Variants in TSTD1 observed in about 807,000 individuals in gnomAD.
TSTD1 encodes the protein thiosulfate:glutathione sulfurtransferase.
A neutral mutation model predicts 12.6 loss-of-function variants in TSTD1; 7 were observed. The ratio of observed to expected loss-of-function variants is 0.55; its 90% CI spans 0.32 to 1.04. TSTD1 has a LOEUF of 1.04. Among genes scored for constraint, TSTD1 ranks in the 50% least tolerant of loss-of-function variants. The pLI is 0.05. For missense variants in TSTD1, 156 were observed against 151.0 expected (o/e 1.03, Z -0.17); for synonymous variants, 73 against 59.7 (o/e 1.22, Z -1.03).
Position 161,038,059 on chromosome 1 carries a change from AC to A in TSTD1, c.149del (p.Ser50MetfsTer73). The A allele has an allele frequency of 6.4e-7, 1 of 1,551,524 alleles. No homozygotes were observed. The highest frequency in any genetic ancestry group is 8.7e-7 in the Non-Finnish European group (1 of 1,146,994). On this transcript the variant is annotated frameshift_variant, in exon 3 of 4. Coordinates refer to ENST00000423014, the MANE Select transcript of TSTD1 (RefSeq NM_001113207.2). LOFTEE classifies it high-confidence loss of function. ...ALNIPVSELE[S>X]ALQMEPAAFQ... ...AGGCAGCTGGCTCCATCTGCAGAGC[AC>A]TCTCCAACTCGGACACTGGAGGAGT...
rs1029518876 is a variant in TSTD1, at chr1:161,037,728, T to A, written c.*47A>T. 1 of 1,548,352 alleles carries A rather than the reference T, an allele frequency of 6.5e-7. No individual in the cohort carries two copies. The highest frequency in any genetic ancestry group is 8.7e-7 in the Non-Finnish European group (1 of 1,144,036). On this transcript the variant is annotated 3_prime_UTR_variant, in exon 4 of 4. Coordinates refer to ENST00000423014, the MANE Select transcript of TSTD1 (RefSeq NM_001113207.2). ...AGCCCGTTCACACCCTTAGTTAAGG[T>A]GGCCATTAAGGGGCCAGGGGGTGGC...
At chr1:161,038,162 GCC>G in intron 2 of TSTD1, 87 bp from the exon 3 acceptor site, 1 of 1,372,130 alleles carries the variant, frequency 7.3e-7, no homozygotes, top group Non-Finnish European at 9.8e-7. Flanking sequence ...GGTCCTGGGG[GCC>G]CCCAAACAAC....
At chr1:161,038,504 G>A (rs1314439671) in intron 2 of TSTD1, 47 bp downstream of exon 2, 3 of 1,494,762 alleles carry the variant, frequency 2.0e-6, no homozygotes, top group Non-Finnish European at 2.7e-6. Context: ...AGAACCTCCT[G>A]AACGGTCTCT....
At chr1:161,038,190 C>T (rs925941640) in intron 2 of TSTD1, 115 bp from the exon 3 acceptor site, 2 of 971,002 alleles carry the variant, frequency 2.1e-6, no homozygotes, top group African/African-American at 1.6e-5. Flanking sequence ...ATAACCATCC[C>T]CTACCCCCAC....
intron 2 of TSTD1, 92 bp from the exon 3 acceptor site, chr1:161,038,167 C>T: frequency 7.8e-7 from 1 of 1,287,086 alleles, no homozygotes; most frequent in South Asian, 1.4e-5. Flanking sequence ...TGGGGGCCCC[C>T]AAACAACATA....
rs1650330025 is a variant in TSTD1, at chr1:161,038,568, C to T, written c.116G>A (p.Gly39Glu). 1 of 1,549,298 alleles carries T rather than the reference C, an allele frequency of 6.5e-7. No homozygotes were observed. ...REEAAAGTIPGALNIPVSELE... is the reference protein window; with the variant it reads ...REEAAAGTIPEALNIPVSELE... ...CCCTATACCCGGGATGTTGAGCGCC[C>T]CTGGGATGGTCCCAGCTGCCGCCTC... The change falls in exon 2 of 4, where the codon GGG (glycine) becomes GAG (glutamate). Residue 39 changes from glycine (G) to glutamate (E), a missense_variant. Coordinates refer to ENST00000423014, the MANE Select transcript of TSTD1 (RefSeq NM_001113207.2).
In TSTD1 at chr1:161,038,023, T is replaced by C. The variant is rs750831813; in HGVS notation, c.186A>G (p.Leu62=). The part of the protein sequence containing the change: ...LQMEPAAFQA[L]YSAEKPKLED... The stretch of plus-strand genomic sequence containing the variant: ...CCAGCTTTGGCTTCTCAGCAGAATA[T>C]AAAGCCTGGAAGGCAGCTGGCTCCA... The change falls in exon 3 of 4, where the codon TTA becomes TTG. Residue 62 remains leucine (L), a synonymous_variant. Transcript: ENST00000423014. The C allele has an allele frequency of 7.7e-6, 12 of 1,551,680 alleles. No individual in the cohort carries two copies. Among genetic ancestry groups the C allele is most frequent in the Non-Finnish European group, 1.0e-5 (12 of 1,147,006 alleles).
In TSTD1 at chr1:161,037,909, G is replaced by A. The variant is rs1434457778; in HGVS notation, c.296+4C>T. 2 of 1,551,816 alleles carry A rather than the reference G, an allele frequency of 1.3e-6. No individual in the cohort carries two copies. Among genetic ancestry groups the A allele is most frequent in the Non-Finnish European group, 1.7e-6 (2 of 1,147,014 alleles). On this transcript the variant is annotated splice_donor_region_variant and intron_variant, in intron 3 of 3. Coordinates refer to ENST00000423014, the MANE Select transcript of TSTD1 (RefSeq NM_001113207.2). ...TCCCAGCTAGCAGCCACACCTCCCC[G>A]TACCCAGTGTATCCAAGACTCCGGG...
chr1:161,037,941 G>T lies in TSTD1; in HGVS notation c.268C>A (p.Gln90Lys). Residue 90 changes from glutamine to lysine, a missense_variant, in exon 3 of 4, where the codon CAG becomes AAG. Transcript: ENST00000423014. Reference protein sequence around the residue: ...QMGKRGLQATQLARSLGYTGA... With the variant: ...QMGKRGLQATKLARSLGYTGA... ...GTGTATCCAAGACTCCGGGCCAGCT[G>T]CGTGGCCTGGAGGCCCCGCTTGCCC... 1.9e-6 allele frequency: 3 copies of T among 1,551,848 alleles called. No homozygotes were observed. The highest frequency in any genetic ancestry group is 2.7e-5 in the African/African-American group (2 of 73,178).
In TSTD1 at chr1:161,038,632, A is replaced by ACC; in HGVS notation, c.51_52insGG (p.Ser18GlyfsTer106). On this transcript the variant is annotated frameshift_variant, in exon 2 of 4. Coordinates refer to ENST00000423014, the MANE Select transcript of TSTD1 (RefSeq NM_001113207.2). LOFTEE classifies it high-confidence loss of function. ...ACGTCGAAGAGCCGGGCCCGTCCGG[A>ACC]GGCTAGGAGTGAACGGAGTTCAGGA... 1 of 1,550,380 alleles carries ACC rather than the reference A, an allele frequency of 6.5e-7. No homozygotes were observed. Among genetic ancestry groups the ACC allele is most frequent in the Non-Finnish European group, 8.7e-7 (1 of 1,146,028 alleles).
chr1:161,038,617 G>C lies in TSTD1; in HGVS notation c.67C>G (p.Leu23Val), dbSNP rs1487602755. The C allele has an allele frequency of 9.0e-6, 14 of 1,550,626 alleles. No homozygotes were observed. The South Asian group carries it at 1.1e-4, about 12-fold the overall frequency. ...RSLLASGRARLFDVRSREEAA... is the reference protein window; with the variant it reads ...RSLLASGRARVFDVRSREEAA... ...TCCTCGCGAGAGCGCACGTCGAAGA[G>C]CCGGGCCCGTCCGGAGGCTAGGAGT... is the stretch of plus-strand genomic sequence containing the variant. Residue 23 changes from leucine (L) to valine (V), a missense_variant, in exon 2 of 4, where the codon CTC becomes GTC. Leu to Val is a conservative substitution (Grantham distance 32). Transcript: ENST00000423014.
rs1210006300 is a variant in TSTD1, at chr1:161,037,944, T to G, written c.265A>C (p.Thr89Pro). The change falls in exon 3 of 4, where the codon ACG (threonine) becomes CCG (proline). Residue 89 changes from threonine (T) to proline (P), a missense_variant. Physicochemically the swap from Thr to Pro is conservative, Grantham distance 38 (BLOSUM62 -1). Coordinates refer to ENST00000423014, the MANE Select transcript of TSTD1 (RefSeq NM_001113207.2). ...CQMGKRGLQA[T>P]QLARSLGYTG... is the part of the protein sequence containing the mutation. ...TATCCAAGACTCCGGGCCAGCTGCGTGGCCTGGAGGCCCCGCTTGCCCATC... is the reference window on the plus strand; with the variant it reads ...TATCCAAGACTCCGGGCCAGCTGCGGGGCCTGGAGGCCCCGCTTGCCCATC... 3.2e-6 allele frequency: 5 copies of G among 1,551,836 alleles called. No individual in the cohort carries two copies. The highest frequency in any genetic ancestry group is 2.6e-6 in the Non-Finnish European group (3 of 1,147,018).
Position 161,037,985 on chromosome 1 carries a change from A to C in TSTD1, c.224T>G (p.Leu75Arg). Reference sequence around the variant, plus strand: ...CTTGCCCATCTGACAGAAGAAAACGAGATGCTCATCTTCCAGCTTTGGCTT... The same window carrying C: ...CTTGCCCATCTGACAGAAGAAAACGCGATGCTCATCTTCCAGCTTTGGCTT... ...AEKPKLEDEH[L>R]VFFCQMGKRG... The change falls in exon 3 of 4, where the codon CTC (leucine) becomes CGC (arginine). Residue 75 changes from leucine to arginine, a missense_variant. By Grantham distance (102) the Leu-to-Arg change is moderately radical (BLOSUM62 -2). Transcript: ENST00000423014. 6.4e-7 allele frequency: 1 copy of C among 1,551,772 alleles called. No homozygotes were observed. Among genetic ancestry groups the C allele is most frequent in the Non-Finnish European group, 8.7e-7 (1 of 1,147,004 alleles).
At chr1:161,038,771 T>A in intron 1 of TSTD1, 98 bp from the exon 2 acceptor site, 1 of 1,520,818 alleles carries the variant, frequency 6.6e-7, no homozygotes, top group Non-Finnish European at 8.9e-7. Flanking sequence ...CGGTAGGGTG[T>A]GCACGAAGAC....
Position 161,038,759 on chromosome 1 carries a change from C to T in TSTD1, c.11-86G>A, listed in dbSNP as rs557942433. On this transcript the variant is annotated intron_variant, in intron 1 of 3. Coordinates refer to ENST00000423014, the MANE Select transcript of TSTD1 (RefSeq NM_001113207.2). ...CATCCCCTCACCTGGCAGCGCCCCT[C>T]CCGGTAGGGTGTGCACGAAGACCCC... 420 of 1,519,778 alleles carry T rather than the reference C, an allele frequency of 2.8e-4. 3 individuals are homozygous for T. The South Asian group carries it at 4.7e-3, about 17-fold the overall frequency. 94.1% of individuals were successfully genotyped at this position (1,519,778 alleles called of 1,614,324 possible).
In TSTD1 at chr1:161,038,081, G is replaced by A. The variant is rs1240308711; in HGVS notation, c.134-6C>T. On this transcript the variant is annotated splice_region_variant and splice_polypyrimidine_tract_variant and intron_variant, in intron 2 of 3. Coordinates refer to ENST00000423014, the MANE Select transcript of TSTD1 (RefSeq NM_001113207.2). ...AGCACTCTCCAACTCGGACACTGGA[G>A]GAGTGGAGAGGGTAGAAGGGAAAGC... is the stretch of plus-strand genomic sequence containing the variant. 6.4e-7 allele frequency: 1 copy of A among 1,551,046 alleles called. No homozygotes were observed. The highest frequency in any genetic ancestry group is 2.0e-5 in the Admixed American group (1 of 50,952).
Position 161,038,552 on chromosome 1 carries a change from C to T in TSTD1, c.132G>A (p.Pro44=). 1.3e-6 allele frequency: 2 copies of T among 1,540,942 alleles called. No homozygotes were observed. The highest frequency in any genetic ancestry group is 1.8e-6 in the Non-Finnish European group (2 of 1,138,698). Residue 44 remains proline, a splice_region_variant and synonymous_variant, in exon 2 of 4, where the codon CCG becomes CCA. Transcript: ENST00000423014. ...GGGCGTCCCCTCTCCACCCTATACC[C>T]GGGATGTTGAGCGCCCCTGGGATGG... ...AGTIPGALNI[P]VSELESALQM...
Position 161,037,797 on chromosome 1 carries a change from T to C in TSTD1, c.326A>G (p.Glu109Gly), listed in dbSNP as rs2102006428. The C allele has an allele frequency of 6.4e-7, 1 of 1,551,642 alleles. No homozygotes were observed. Among genetic ancestry groups the C allele is most frequent in the Admixed American group, 2.0e-5 (1 of 50,992 alleles). ...GARNYAGAYR[E>G]WLEKES ...TGCCTAACTCTCTTTCTCCAACCAT[T>C]CTCTATAGGCTCCAGCGTAGTTGCG... Residue 109 changes from glutamate to glycine, a missense_variant, in exon 4 of 4, where the codon GAA becomes GGA. Coordinates refer to ENST00000423014, the MANE Select transcript of TSTD1 (RefSeq NM_001113207.2).
In TSTD1 at chr1:161,038,646, C is replaced by G; in HGVS notation, c.38G>C (p.Arg13Pro). ...GAPTVSLPEL[R>P]SLLASGRARL... The stretch of plus-strand genomic sequence containing the variant: ...GGCCCGTCCGGAGGCTAGGAGTGAA[C>G]GGAGTTCAGGAAGCGAGACCGTGGG... Residue 13 changes from arginine (R) to proline (P), a missense_variant, in exon 2 of 4, where the codon CGT (arginine) becomes CCT (proline). Transcript: ENST00000423014. The G allele has an allele frequency of 1.9e-6, 3 of 1,549,820 alleles. No individual in the cohort carries two copies. The highest frequency in any genetic ancestry group is 2.4e-5 in the South Asian group (2 of 84,014).
Sources: allele counts gnomAD v4.1 joint callset, GRCh38; gene constraint gnomAD v4.1.1; transcripts MANE v1.5; gene names NCBI Gene and HGNC (gene_info 2026-07-23, HGNC 2026-07-21).